The following CLSTN2 variants were observed in gnomAD, a reference collection of about 807,000 sequenced individuals.
CLSTN2 encodes calsyntenin-2.
CLSTN2 carries 48 observed loss-of-function variants against 101.2 expected under a neutral mutation model. That is an observed-to-expected ratio of 0.47 (90% CI 0.38 to 0.60). The LOEUF is 0.60. CLSTN2 is among the 20% of genes least tolerant of loss of function. CLSTN2 has a pLI of 0.00. For synonymous variants in CLSTN2, 481 were observed against 463.6 expected (o/e 1.04, Z -0.48); for missense variants, 1,160 against 1,238.2 (o/e 0.94, Z 0.95).
intron 2 of CLSTN2, among the ~76,000 whole-genome samples, chr3:140,400,509 G>A (rs532523361): frequency 1.3e-5 from 2 of 152,220 alleles, no homozygotes; most frequent in Admixed American, 6.5e-5. Flanking sequence ...GACCAGCTTG[G>A]ACAACATAAT....
chr3:140,006,974 A>T (rs1380620485), intron 1 of CLSTN2, among the ~76,000 whole-genome samples: 1 of 152,220 alleles, frequency 6.6e-6, no homozygotes, highest in Admixed American at 6.5e-5. Context: ...AAAATCCATG[A>T]TAAACAAATG....
chr3:140,159,320 T>A (rs1428160235), intron 1 of CLSTN2, among the ~76,000 whole-genome samples: 1 of 151,972 alleles, frequency 6.6e-6, no homozygotes. Flanking sequence ...AACTTAATAA[T>A]TTAACAAGCA....
intron 2 of CLSTN2, among the ~76,000 whole-genome samples, chr3:140,327,763 G>A (rs1397515100): frequency 2.6e-5 from 4 of 152,172 alleles, no homozygotes; most frequent in Non-Finnish European, 5.9e-5. Flanking sequence ...TGAGTACCAT[G>A]CACTTGATAA....
intron 2 of CLSTN2, among the ~76,000 whole-genome samples, chr3:140,352,845 A>G (rs79083708): frequency 0.061 from 9,211 of 152,218 alleles, 340 homozygotes; most frequent in African/African-American, 0.1. Context: ...ACATCTTTTC[A>G]GAAATTCAAT....
intron 2 of CLSTN2, among the ~76,000 whole-genome samples, chr3:140,279,328 A>G (rs60794672): frequency 6.6e-6 from 1 of 152,214 alleles, no homozygotes; most frequent in Admixed American, 6.5e-5. Flanking sequence ...ACAGTGTCCA[A>G]GTCCATGCTG....
intron 2 of CLSTN2, among the ~76,000 whole-genome samples, chr3:140,270,215 A>T (rs4129685): frequency 0.011 from 1,621 of 152,268 alleles, 31 homozygotes; most frequent in African/African-American, 0.037. Context: ...TACCTGTGAT[A>T]CTTGGAACCT....
Position 140,031,388 on chromosome 3 carries a change from A to G in CLSTN2, c.109+95905A>G, listed in dbSNP as rs145197361. ...AGGCATTGGCTGCCTAAACCCTGGT[A>G]GCCGCTTGGAAGTGTCCCAGGGAGG... On this transcript the variant is annotated intron_variant, in intron 1 of 16. Transcript: ENST00000458420. Among the ~76,000 whole-genome samples the G allele has an allele frequency of 2.8e-3, 420 of 152,328 alleles. 2 individuals carry two copies. The highest frequency in any genetic ancestry group is 7.0e-3 in the African/African-American group (293 of 41,568).
At chr3:140,537,197 G>A (rs578113934) in intron 9 of CLSTN2, among the ~76,000 whole-genome samples, 3 of 152,146 alleles carry the variant, frequency 2.0e-5, no homozygotes, top group Non-Finnish European at 4.4e-5. Flanking sequence ...AATTTCAGAC[G>A]AGGCTTTAAC....
intron 1 of CLSTN2, among the ~76,000 whole-genome samples, chr3:140,158,200 A>G (rs1484736999): frequency 1.3e-5 from 2 of 152,204 alleles, no homozygotes; most frequent in African/African-American, 2.4e-5. Flanking sequence ...TGGAAGTCCT[A>G]GCCAGAGCAA....
At chr3:140,426,054 G>A (rs771833134) in intron 5 of CLSTN2, among the ~76,000 whole-genome samples, 12 of 152,154 alleles carry the variant, frequency 7.9e-5, no homozygotes, top group African/African-American at 1.7e-4. Flanking sequence ...GCAGCAGGTC[G>A]CATGCTAATG....
intron 12 of CLSTN2, among the ~76,000 whole-genome samples, chr3:140,560,697 G>A (rs1935893666): frequency 6.6e-6 from 1 of 152,124 alleles, no homozygotes; most frequent in Non-Finnish European, 1.5e-5. Context: ...AATACCCATG[G>A]TGAGAGAGAA....
At chr3:140,383,026 G>T (rs2088003787) in intron 2 of CLSTN2, among the ~76,000 whole-genome samples, 1 of 152,126 alleles carries the variant, frequency 6.6e-6, no homozygotes, top group Admixed American at 6.5e-5. Context: ...AAGAAGTAAA[G>T]TCAAACAAAG....
intron 2 of CLSTN2, among the ~76,000 whole-genome samples, chr3:140,353,873 C>A (rs1167780042): frequency 1.3e-5 from 2 of 152,102 alleles, no homozygotes; most frequent in South Asian, 2.1e-4. Context: ...ACTAAACAGG[C>A]TGCTTTGTGA....
At chr3:140,055,184 C>T (rs928978998) in intron 1 of CLSTN2, among the ~76,000 whole-genome samples, 5 of 152,166 alleles carry the variant, frequency 3.3e-5, no homozygotes, top group African/African-American at 1.2e-4. Flanking sequence ...TGCTTCCTAT[C>T]TAAGACTTTC....
rs142539741 is a variant in CLSTN2 at position 140,280,059 on chromosome 3, G to A, written c.232+103986G>A. On this transcript the variant is annotated intron_variant, in intron 2 of 16. Coordinates refer to ENST00000458420, the MANE Select transcript of CLSTN2 (RefSeq NM_022131.3). ...AACTCTTTGCTTACAGCCCTGGTGC[G>A]GGGCCTGGGCCAGACAAGAGAAGCT... is the stretch of plus-strand genomic sequence containing the variant. 2.3e-4 allele frequency among the ~76,000 whole-genome samples: 35 copies of A among 152,282 alleles called. No individual in the cohort carries two copies. The East Asian group carries it at 2.5e-3, about 11-fold the overall frequency.
chr3:140,164,206 T>A, intron 1 of CLSTN2, among the ~76,000 whole-genome samples: 1 of 147,144 alleles, frequency 6.8e-6, no homozygotes, highest in South Asian at 2.1e-4. Context: ...GCTCCTGATC[T>A]TCTTCTGCAT....
At chr3:140,028,696 G>A (rs2007474572) in intron 1 of CLSTN2, among the ~76,000 whole-genome samples, 1 of 152,194 alleles carries the variant, frequency 6.6e-6, no homozygotes, top group Non-Finnish European at 1.5e-5. Context: ...AGAATCCCCG[G>A]CGCCAAGGCC....
At chr3:140,344,458 G>A (rs1371073962) in intron 2 of CLSTN2, among the ~76,000 whole-genome samples, 1 of 152,200 alleles carries the variant, frequency 6.6e-6, no homozygotes, top group African/African-American at 2.4e-5. Context: ...GGAGGAGAGT[G>A]TGTAAATATT....
At chr3:140,276,865 G>A (rs1300281219) in intron 2 of CLSTN2, among the ~76,000 whole-genome samples, 1 of 152,140 alleles carries the variant, frequency 6.6e-6, no homozygotes, top group African/African-American at 2.4e-5. Context: ...TCAGCACTCT[G>A]GGCTGCCTTT....
Sources: allele counts gnomAD v4.1 joint callset (sites outside exome capture counted in the v4.1 genomes callset), GRCh38; gene constraint gnomAD v4.1.1; transcripts MANE v1.5; gene names NCBI Gene and HGNC (gene_info 2026-07-23, HGNC 2026-07-21).